EHHADH: variants seen among roughly 807,000 people sequenced by gnomAD.
EHHADH encodes the protein enoyl-CoA hydratase and 3-hydroxyacyl CoA dehydrogenase.
A neutral mutation model predicts 64.4 loss-of-function variants in EHHADH; 48 were observed. The observed-to-expected ratio is 0.75, with a 90% CI of 0.59 to 0.95. The LOEUF (loss-of-function observed/expected upper bound fraction) is 0.95, where lower values mean the gene tolerates loss of function less well. Among genes scored for constraint, EHHADH ranks in the 40% least tolerant of loss-of-function variants. The probability of loss-of-function intolerance (pLI) is 0.00; values close to 1 mark genes in which losing one functional copy is unlikely to be tolerated. For synonymous variants in EHHADH, 308 were observed against 326.7 expected (o/e 0.94, Z 0.62); for missense variants, 854 against 876.6 (o/e 0.97, Z 0.33).
At chr3:185,252,418 A>T (rs1251975572) in intron 1 of EHHADH, among the ~76,000 whole-genome samples, 1 of 143,432 alleles carries the variant, frequency 7.0e-6, no homozygotes, top group Admixed American at 6.9e-5. Flanking sequence ...AAATGAGCTT[A>T]AAAAAAAAAG....
intron 6 of EHHADH, 133 bp downstream of exon 6, chr3:185,204,283 T>G: frequency 1.4e-6 from 1 of 740,112 alleles, no homozygotes; most frequent in East Asian, 2.7e-5. Flanking sequence ...GCTCATGGGG[T>G]GGTGTGAGAA....
chr3:185,209,025 G>C (rs560366301), intron 5 of EHHADH, among the ~76,000 whole-genome samples: 1 of 152,326 alleles, frequency 6.6e-6, no homozygotes, highest in South Asian at 2.1e-4. Flanking sequence ...GGCTGGGGAT[G>C]TGAGTAGGAG....
intron 2 of EHHADH, among the ~76,000 whole-genome samples, chr3:185,241,714 T>C (rs111381345): frequency 6.6e-6 from 1 of 152,314 alleles, no homozygotes; most frequent in African/African-American, 2.4e-5. Flanking sequence ...GTTAGATGTA[T>C]AGATGGTGAA....
rs142339349 is a variant in EHHADH at position 185,235,339 on chromosome 3, C to T, written c.302G>A (p.Gly101Glu). Residue 101 changes from glycine (G) to glutamate (E), a missense_variant, in exon 3 of 7, where the codon GGG becomes GAG. By Grantham distance (98) the Gly-to-Glu change is moderately conservative. Coordinates refer to ENST00000231887, the MANE Select transcript of EHHADH (RefSeq NM_001966.4). ...VAAIQGMAFGGGLELALGCHY... is the reference protein window; with the variant it reads ...VAAIQGMAFGEGLELALGCHY... ...ACAGCCCAGGGCCAGCTCTAGTCCC[C>T]CTCCGAAAGCCATGCCTTGGATTGC... The T allele has an allele frequency of 3.2e-4, 516 of 1,613,994 alleles. No individual in the cohort carries two copies. The African/African-American group carries it at 6.1e-3, about 19-fold the overall frequency.
intron 4 of EHHADH, among the ~76,000 whole-genome samples, chr3:185,221,703 G>C (rs55809608): frequency 2.0e-5 from 3 of 150,964 alleles, no homozygotes; most frequent in Non-Finnish European, 4.4e-5. Context: ...CTCTCGAGTA[G>C]TTGGTACTAC....
intron 4 of EHHADH, among the ~76,000 whole-genome samples, chr3:185,222,488 T>A (rs971384070): frequency 6.6e-5 from 10 of 152,258 alleles, no homozygotes; most frequent in Admixed American, 1.3e-4. Flanking sequence ...ATAATGTTTT[T>A]ATGCAAAATA....
rs190360579 is a variant in EHHADH, at chr3:185,229,608, G to A, written c.352-65C>T. 5,047 of 1,029,834 alleles carry A rather than the reference G, an allele frequency of 4.9e-3. 17 individuals are homozygous for A. The highest frequency in any genetic ancestry group is 5.7e-3 in the Non-Finnish European group (4,288 of 753,814). 63.8% of individuals were successfully genotyped at this position (1,029,834 alleles called of 1,614,324 possible). On this transcript the variant is annotated intron_variant, in intron 3 of 6. Transcript: ENST00000231887. ...TGGTATGTTCAGAGTTAAGGCAAGCGTTTCCCTGGATTTCCTGTATTCTCA... is the reference window on the plus strand; with the variant it reads ...TGGTATGTTCAGAGTTAAGGCAAGCATTTCCCTGGATTTCCTGTATTCTCA...
intron 6 of EHHADH, among the ~76,000 whole-genome samples, chr3:185,197,064 A>G (rs1718083058): frequency 6.6e-6 from 1 of 152,190 alleles, no homozygotes. Context: ...ATTTATATGA[A>G]ATGTCCAGAA....
intron 5 of EHHADH, among the ~76,000 whole-genome samples, chr3:185,217,355 G>A (rs767124736): frequency 6.6e-6 from 1 of 151,902 alleles, no homozygotes; most frequent in Admixed American, 6.6e-5. Context: ...GATGAGCCTG[G>A]CAAACATAGT....
intron 2 of EHHADH, among the ~76,000 whole-genome samples, chr3:185,237,859 C>T (rs548341490): frequency 1.3e-5 from 2 of 152,234 alleles, no homozygotes; most frequent in Non-Finnish European, 2.9e-5. Context: ...ATCACCCAAA[C>T]GGTGAACATT....
Position 185,192,677 on chromosome 3 carries a change from T to C in EHHADH, c.1721A>G (p.Lys574Arg). 1.9e-6 allele frequency: 3 copies of C among 1,614,226 alleles called. No individual in the cohort carries two copies. Among genetic ancestry groups the C allele is most frequent in the Non-Finnish European group, 2.5e-6 (3 of 1,180,040 alleles). Residue 574 changes from lysine (K) to arginine (R), a missense_variant, in exon 7 of 7, where the codon AAG (lysine) becomes AGG (arginine). Physicochemically the swap from Lys to Arg is conservative, Grantham distance 26 (BLOSUM62 2). Transcript: ENST00000231887. ...ATATTGATACCAACCCTTACCTGTC[T>C]TCTGGCCAAATCGTCCTAATTCACA... ...VLCELGRFGQKTGKGWYQYDK... is the reference protein window; with the variant it reads ...VLCELGRFGQRTGKGWYQYDK...
chr3:185,215,281 G>T (rs1718651427), intron 5 of EHHADH, among the ~76,000 whole-genome samples: 1 of 152,072 alleles, frequency 6.6e-6, no homozygotes, highest in South Asian at 2.1e-4. Flanking sequence ...ACTGATAATG[G>T]ATAAACAAAT....
intron 2 of EHHADH, among the ~76,000 whole-genome samples, chr3:185,245,213 T>A (rs368673684): frequency 6.6e-6 from 1 of 152,232 alleles, no homozygotes; most frequent in South Asian, 2.1e-4. Flanking sequence ...CAGAAGTCTA[T>A]GAACGATTTT....
At chr3:185,231,690 A>C (rs1440636564) in intron 3 of EHHADH, among the ~76,000 whole-genome samples, 2 of 151,624 alleles carry the variant, frequency 1.3e-5, no homozygotes, top group African/African-American at 2.4e-5. Flanking sequence ...AAAAAAAGCC[A>C]GTCACAGGAG....
intron 2 of EHHADH, among the ~76,000 whole-genome samples, chr3:185,244,465 C>G (rs914726230): frequency 2.6e-5 from 4 of 152,098 alleles, no homozygotes; most frequent in African/African-American, 9.7e-5. Flanking sequence ...TGTAATTTTT[C>G]TTTTCCATAC....
intron 4 of EHHADH, among the ~76,000 whole-genome samples, chr3:185,218,890 G>A (rs1718764229): frequency 1.3e-5 from 2 of 152,170 alleles, no homozygotes; most frequent in African/African-American, 2.4e-5. Flanking sequence ...GGGCATGGTA[G>A]TGGGCACCTG....
intron 2 of EHHADH, among the ~76,000 whole-genome samples, chr3:185,240,952 C>A (rs763335977): frequency 2.0e-5 from 3 of 151,974 alleles, no homozygotes; most frequent in African/African-American, 7.3e-5. Flanking sequence ...TTATCCCTTG[C>A]CCCACTCCCA....
At chr3:185,224,401 T>C (rs2108641175) in intron 4 of EHHADH, among the ~76,000 whole-genome samples, 1 of 145,108 alleles carries the variant, frequency 6.9e-6, no homozygotes, top group South Asian at 2.1e-4. Flanking sequence ...CTGGAGAGGC[T>C]GAAGCAGGAG....
At chr3:185,205,030 C>A (rs558447213) in intron 5 of EHHADH, among the ~76,000 whole-genome samples, 10 of 151,386 alleles carry the variant, frequency 6.6e-5, no homozygotes, top group African/African-American at 2.4e-4. Context: ...AAGACCAAGA[C>A]AATTTTATAA....
Sources: allele counts gnomAD v4.1 joint callset (sites outside exome capture counted in the v4.1 genomes callset), GRCh38; gene constraint gnomAD v4.1.1; transcripts MANE v1.5; gene names NCBI Gene and HGNC (gene_info 2026-07-23, HGNC 2026-07-21).